The following ANO4 variants were observed in gnomAD, a reference collection of about 807,000 sequenced individuals.
The protein encoded by ANO4 is anoctamin-4.
In ANO4, 69 loss-of-function variants were observed where a neutral mutation model predicts 141.9. The ratio of observed to expected loss-of-function variants is 0.49; its 90% CI spans 0.40 to 0.59. The LOEUF is 0.59. Ranked by LOEUF, ANO4 falls within the 20% of genes least tolerant of loss-of-function variation. The pLI, the probability that ANO4 is intolerant of heterozygous loss-of-function variation, is 0.00. For missense variants in ANO4, 894 were observed against 1,162.2 expected (o/e 0.77, Z 3.36); for synonymous variants, 350 against 394.3 (o/e 0.89, Z 1.33).
chr12:101,058,245 T>C (rs1254216640), intron 14 of ANO4, among the ~76,000 whole-genome samples: 2 of 152,232 alleles, frequency 1.3e-5, no homozygotes, highest in African/African-American at 4.8e-5. Flanking sequence ...ACCAGTACCA[T>C]GCTGTTTTGG....
intron 3 of ANO4, among the ~76,000 whole-genome samples, chr12:100,757,854 G>A (rs1170452432): frequency 6.6e-6 from 1 of 152,078 alleles, no homozygotes; most frequent in African/African-American, 2.4e-5. Context: ...GTTTCTGTAG[G>A]AGTTTTTCCT....
chr12:100,898,099 G>C (rs2040427492), intron 1 of ANO4, among the ~76,000 whole-genome samples: 1 of 152,178 alleles, frequency 6.6e-6, no homozygotes, highest in South Asian at 2.1e-4. Context: ...TTTCCCATTT[G>C]TAAAACATAG....
intron 1 of ANO4, among the ~76,000 whole-genome samples, chr12:100,891,999 G>C (rs1214550133): frequency 6.6e-6 from 1 of 152,130 alleles, no homozygotes; most frequent in Non-Finnish European, 1.5e-5. Flanking sequence ...AGATCATGTG[G>C]AGTTTGTCTT....
intron 8 of ANO4, 96 bp downstream of exon 8, chr12:100,987,766 A>C (rs1449476597): frequency 6.6e-7 from 1 of 1,505,624 alleles, no homozygotes. Context: ...ATGAGGAAGG[A>C]ACAGCATAGT....
At chr12:100,908,807 G>A (rs1593719583) in intron 2 of ANO4, among the ~76,000 whole-genome samples, 1 of 152,122 alleles carries the variant, frequency 6.6e-6, no homozygotes, top group Non-Finnish European at 1.5e-5. Context: ...AGGCCCACTC[G>A]GATTGGTTAC....
intron 3 of ANO4, among the ~76,000 whole-genome samples, chr12:100,935,633 A>T (rs183332522): frequency 6.6e-6 from 1 of 152,268 alleles, no homozygotes; most frequent in East Asian, 1.9e-4. Flanking sequence ...GTGCCCATGG[A>T]TAGAAAGGCC....
intron 3 of ANO4, among the ~76,000 whole-genome samples, chr12:100,764,368 A>G (rs1419279965): frequency 6.6e-6 from 1 of 152,192 alleles, no homozygotes; most frequent in East Asian, 1.9e-4. Flanking sequence ...TGCCGTCAGG[A>G]CATCAGTAAT....
chr12:100,882,987 C>T (rs7134256), intron 1 of ANO4, among the ~76,000 whole-genome samples: 14,999 of 152,202 alleles, frequency 0.099, 855 homozygotes, highest in South Asian at 0.16. Flanking sequence ...AGGTGTGAGC[C>T]ACCGCACCCA....
At chr12:101,109,593 G>T (rs2050584122) in intron 22 of ANO4, among the ~76,000 whole-genome samples, 1 of 151,944 alleles carries the variant, frequency 6.6e-6, no homozygotes, top group Non-Finnish European at 1.5e-5. Flanking sequence ...AAACAAAAAA[G>T]ATGTTTTCCA....
At chr12:100,942,244 G>T (rs1201816651) in intron 4 of ANO4, 133 bp from the exon 5 acceptor site, 26 of 967,482 alleles carry the variant, frequency 2.7e-5, no homozygotes, top group Non-Finnish European at 1.2e-5. Flanking sequence ...CTCCCAAAGT[G>T]CTGGGATTAC....
At chr12:100,818,740 T>C (rs1296278351) in intron 1 of ANO4, among the ~76,000 whole-genome samples, 1 of 151,878 alleles carries the variant, frequency 6.6e-6, no homozygotes, top group East Asian at 1.9e-4. Context: ...TCTCAACAAA[T>C]CGTGATTTTG....
intron 1 of ANO4, among the ~76,000 whole-genome samples, chr12:100,832,118 A>G (rs1406652167): frequency 1.3e-5 from 2 of 152,030 alleles, no homozygotes; most frequent in African/African-American, 4.8e-5. Context: ...CTCCAGAATG[A>G]AGGCTGATGA....
intron 3 of ANO4, among the ~76,000 whole-genome samples, chr12:100,934,410 A>G (rs2042203388): frequency 6.6e-6 from 1 of 151,980 alleles, no homozygotes; most frequent in Non-Finnish European, 1.5e-5. Context: ...ATGGTTGTAG[A>G]TGTGTGGTGT....
intron 2 of ANO4, among the ~76,000 whole-genome samples, chr12:100,918,268 A>G (rs1304389767): frequency 6.6e-6 from 1 of 152,216 alleles, no homozygotes; most frequent in African/African-American, 2.4e-5. Flanking sequence ...TTGAGGTTGC[A>G]GTAAGCTGTG....
At chr12:100,804,065 T>TATA (rs1255422146) in intron 1 of ANO4, among the ~76,000 whole-genome samples, 1 of 152,124 alleles carries the variant, frequency 6.6e-6, no homozygotes, top group Admixed American at 6.6e-5. Context: ...ACCTGGGTAT[T>TATA]AAGCCCAGCA....
chr12:100,981,456 AAGG>A (rs1566085753), intron 7 of ANO4, among the ~76,000 whole-genome samples: 1 of 151,862 alleles, frequency 6.6e-6, no homozygotes, highest in East Asian at 1.9e-4. Flanking sequence ...GGAAGGAAGG[AAGG>A]AAGAAAGGAA....
chr12:100,763,527 G>T (rs2032961608), intron 3 of ANO4, among the ~76,000 whole-genome samples: 1 of 152,162 alleles, frequency 6.6e-6, no homozygotes, highest in Admixed American at 6.5e-5. Flanking sequence ...CAGCTCTCCA[G>T]CTCCTTACAC....
intron 15 of ANO4, among the ~76,000 whole-genome samples, chr12:101,083,361 C>T (rs1157906988): frequency 6.6e-6 from 1 of 152,176 alleles, no homozygotes; most frequent in Non-Finnish European, 1.5e-5. Flanking sequence ...TAGGACAGGA[C>T]AGCTTGTCCC....
intron 9 of ANO4, among the ~76,000 whole-genome samples, chr12:101,033,185 G>C (rs904062435): frequency 2.1e-4 from 32 of 152,182 alleles, no homozygotes; most frequent in Non-Finnish European, 3.8e-4. Flanking sequence ...AATGAAATTG[G>C]AAATCATCAT....
Sources: gnomAD v4.1 joint callset for allele counts (sites outside exome capture counted in the v4.1 genomes callset) on GRCh38, gnomAD v4.1.1 for gene constraint, MANE v1.5 for transcripts, NCBI Gene and HGNC (gene_info 2026-07-23, HGNC 2026-07-21) for gene names.